The following ADK variants were observed in gnomAD, a reference collection of about 807,000 sequenced individuals.
The protein encoded by ADK is N6,N6-dimethyladenosine kinase.
Under a neutral mutation model 44.7 loss-of-function variants are expected in ADK, and 24 were observed. That is an observed-to-expected ratio of 0.54 (90% CI 0.39 to 0.76). ADK has a LOEUF of 0.76. Ranked by LOEUF, ADK falls within the 30% of genes least tolerant of loss-of-function variation. The pLI is 0.00. For missense variants in ADK, 321 were observed against 425.1 expected (o/e 0.76, Z 2.15); for synonymous variants, 128 against 142.6 (o/e 0.90, Z 0.73).
At chr10:74,254,206 A>T (rs116920765) in intron 3 of ADK, among the ~76,000 whole-genome samples, 17 of 152,210 alleles carry the variant, frequency 1.1e-4, no homozygotes, top group African/African-American at 3.9e-4. Flanking sequence ...TAAGAGCATT[A>T]TAGAGATAGA....
chr10:74,631,585 A>G (rs1422160735), intron 9 of ADK, among the ~76,000 whole-genome samples: 1 of 151,922 alleles, frequency 6.6e-6, no homozygotes, highest in Non-Finnish European at 1.5e-5. Flanking sequence ...AAACATGAGT[A>G]CACAGTAGTA....
chr10:74,422,255 A>G (rs1452124641), intron 6 of ADK, among the ~76,000 whole-genome samples: 1 of 152,226 alleles, frequency 6.6e-6, no homozygotes. Context: ...AAAACATCAG[A>G]CAAATCCCAA....
intron 7 of ADK, among the ~76,000 whole-genome samples, chr10:74,527,083 C>T (rs1031391325): frequency 3.3e-5 from 5 of 152,104 alleles, no homozygotes; most frequent in African/African-American, 4.8e-5. Flanking sequence ...CCAAAGAGGC[C>T]GGGCACGGTG....
intron 3 of ADK, among the ~76,000 whole-genome samples, chr10:74,231,290 T>C (rs750084869): frequency 3.9e-5 from 6 of 152,168 alleles, no homozygotes; most frequent in Non-Finnish European, 8.8e-5. Context: ...TAAATAGAAT[T>C]AGTTTTTTCT....
chr10:74,175,374 C>CA (rs1224759058), intron 1 of ADK, among the ~76,000 whole-genome samples: 17,759 of 86,888 alleles, frequency 0.2, 1,115 homozygotes, highest in Middle Eastern at 0.35. Flanking sequence ...GACTCCAGCT[C>CA]AAAAAAAAAA....
intron 7 of ADK, among the ~76,000 whole-genome samples, chr10:74,541,800 C>CCT (rs374181519): frequency 2.2e-5 from 3 of 134,568 alleles, no homozygotes; most frequent in Non-Finnish European, 4.9e-5. Context: ...ACACACCCCC[C>CCT]CCCCCTAAAA....
chr10:74,579,503 T>G (rs1851306783), intron 7 of ADK, among the ~76,000 whole-genome samples: 1 of 152,132 alleles, frequency 6.6e-6, no homozygotes, highest in African/African-American at 2.4e-5. Context: ...ATAAGAGTTT[T>G]TAGACACTAG....
At chr10:74,303,227 C>A (rs1840120306) in intron 3 of ADK, among the ~76,000 whole-genome samples, 1 of 152,148 alleles carries the variant, frequency 6.6e-6, no homozygotes, top group South Asian at 2.1e-4. Flanking sequence ...TTGTTAATAT[C>A]TCAGTAAAAA....
At chr10:74,689,324 A>T (rs1855901893) in intron 10 of ADK, among the ~76,000 whole-genome samples, 2 of 152,092 alleles carry the variant, frequency 1.3e-5, no homozygotes. Context: ...GTGTTAGGAA[A>T]GAAGGTAGTA....
At chr10:74,215,907 C>T (rs989217353) in intron 2 of ADK, among the ~76,000 whole-genome samples, 9 of 149,798 alleles carry the variant, frequency 6.0e-5, no homozygotes, top group African/African-American at 1.2e-4. Flanking sequence ...CCGCCCGTCT[C>T]GGCCTCCCAA....
In ADK at chr10:74,709,023, T is replaced by C. The variant is rs567141252; in HGVS notation, c.*578T>C. On this transcript the variant is annotated 3_prime_UTR_variant, in exon 11 of 11. Coordinates refer to ENST00000539909, the MANE Select transcript of ADK (RefSeq NM_006721.4). ...AAACATGTAATAAACTTTGGATAAT[T>C]AAATAATGTGCCAAATTTAAGTTGT... 1 of 153,148 alleles carries C rather than the reference T, an allele frequency of 6.5e-6. No homozygotes were observed. The highest frequency in any genetic ancestry group is 2.4e-5 in the African/African-American group (1 of 41,586). The allele number at this position is 153,148 out of a possible 1,614,324, so 9.5% of individuals were successfully genotyped here.
Position 74,195,668 on chromosome 10 carries a change from TTTTCTTTCTTTC to T in ADK, c.66-5080_66-5069del, listed in dbSNP as rs146395490. On this transcript the variant is annotated intron_variant, in intron 1 of 10. Coordinates refer to ENST00000539909, the MANE Select transcript of ADK (RefSeq NM_006721.4). ...CTGGCTCAATTTTTTATATTTTTCT[TTTTCTTTCTTTC>T]TTTCTTTCTTTCTTTTTCTTTTCTT... 3.1e-4 allele frequency among the ~76,000 whole-genome samples: 44 copies of T among 143,188 alleles called. 1 individual carries two copies. Among genetic ancestry groups the T allele is most frequent in the Middle Eastern group, 7.5e-3 (2 of 268 alleles). The allele number at this position is 143,188 out of a possible 152,430, so 93.9% of individuals were successfully genotyped here.
chr10:74,312,459 GA>G lies in ADK; in HGVS notation c.195-2206del, dbSNP rs1049207910. The stretch of plus-strand genomic sequence containing the variant: ...TTTTTTTAGAACAGAAAGTTTCTAA[GA>G]ATTTATAGCACCAAGACATTCATTT... On this transcript the variant is annotated intron_variant, in intron 3 of 10. Coordinates refer to ENST00000539909, the MANE Select transcript of ADK (RefSeq NM_006721.4). 5.6e-4 allele frequency among the ~76,000 whole-genome samples: 82 copies of G among 145,596 alleles called. 1 individual carries two copies. The highest frequency in any genetic ancestry group is 1.2e-4 in the Non-Finnish European group (8 of 66,648).
intron 6 of ADK, among the ~76,000 whole-genome samples, chr10:74,423,025 G>T (rs1592190223): frequency 6.6e-6 from 1 of 150,642 alleles, no homozygotes; most frequent in Admixed American, 6.6e-5. Context: ...AACAAGATAT[G>T]GATGTAGATG....
intron 4 of ADK, among the ~76,000 whole-genome samples, chr10:74,382,639 A>G: frequency 1.3e-5 from 2 of 152,256 alleles, no homozygotes; most frequent in South Asian, 4.2e-4. Flanking sequence ...TAAGAAATTG[A>G]GTGAAAGTTT....
intron 6 of ADK, among the ~76,000 whole-genome samples, chr10:74,444,859 GAAATCACA>G (rs140958262): frequency 0.045 from 6,888 of 151,722 alleles, 536 homozygotes; most frequent in African/African-American, 0.16. Context: ...TTTCCCACCA[GAAATCACA>G]AAATCCATTT....
chr10:74,151,337 C>A lies in ADK; in HGVS notation c.59C>A (p.Ala20Glu). 1 of 1,549,564 alleles carries A rather than the reference C, an allele frequency of 6.5e-7. No homozygotes were observed. The highest frequency in any genetic ancestry group is 8.7e-7 in the Non-Finnish European group (1 of 1,146,806). The part of the protein sequence containing the change: ...PKKLKVEAPQ[A>E]LRENILFGMG... The stretch of plus-strand genomic sequence containing the variant: ...AAGCTGAAGGTGGAGGCGCCGCAAG[C>A]GCTGAGGTGAGCGCTGCCGGACTTG... The change falls in exon 1 of 11, where the codon GCG becomes GAG. Residue 20 changes from alanine (A) to glutamate (E), a missense_variant. Physicochemically the swap from Ala to Glu is moderately radical, Grantham distance 107. Transcript: ENST00000539909.
intron 10 of ADK, among the ~76,000 whole-genome samples, chr10:74,675,102 C>T (rs934573236): frequency 1.2e-4 from 18 of 152,072 alleles, no homozygotes; most frequent in Non-Finnish European, 2.6e-4. Context: ...AAGAGTATTT[C>T]TGTCTTTTGT....
chr10:74,672,414 T>A (rs1463357711), intron 10 of ADK, among the ~76,000 whole-genome samples: 1 of 152,186 alleles, frequency 6.6e-6, no homozygotes, highest in Non-Finnish European at 1.5e-5. Flanking sequence ...CTTTAAATCA[T>A]GGGCAGCTTC....
Sources: allele counts gnomAD v4.1 joint callset (sites outside exome capture counted in the v4.1 genomes callset), GRCh38; gene constraint gnomAD v4.1.1; transcripts MANE v1.5; gene names NCBI Gene and HGNC (gene_info 2026-07-23, HGNC 2026-07-21).